The following HERC4 variants were observed in gnomAD, a reference collection of about 807,000 sequenced individuals.
The protein encoded by HERC4 is probable E3 ubiquitin-protein ligase HERC4.
In HERC4, 28 loss-of-function variants were observed where a neutral mutation model predicts 124.3. That is an observed-to-expected ratio of 0.23 (90% CI 0.17 to 0.31). The LOEUF is 0.31. Ranked by LOEUF, HERC4 falls within the 10% of genes least tolerant of loss-of-function variation. The probability of loss-of-function intolerance (pLI) is 1.00; values close to 1 mark genes in which losing one functional copy is unlikely to be tolerated. For synonymous variants in HERC4, 407 were observed against 421.5 expected, an observed-to-expected ratio of 0.97 and a Z score of 0.42; for missense variants, 713 against 1,229.3, an observed-to-expected ratio of 0.58 and a Z score of 6.28.
At chr10:68,010,705 A>T in intron 9 of HERC4, 1 of 1,482,152 alleles carries the variant, frequency 6.7e-7, no homozygotes, top group East Asian at 2.3e-5. Context: ...TCTTGAAGCT[A>T]AGCTGTTGAG....
At chr10:67,943,000 T>C (rs2033043554) in intron 19 of HERC4, among the ~76,000 whole-genome samples, 1 of 152,248 alleles carries the variant, frequency 6.6e-6, no homozygotes, top group African/African-American at 2.4e-5. Flanking sequence ...TCATGAAATA[T>C]CTCTCCAGGT....
In HERC4 at chr10:67,991,210, TAA is replaced by T; in HGVS notation, c.1272-13_1272-12del. On this transcript the variant is annotated splice_polypyrimidine_tract_variant and intron_variant, in intron 11 of 24. Transcript: ENST00000373700. ...GTTCCATCTATCTCACTAAAAAATT[TAA>T]AAAAGTTTTTTTAATCATAGAATCA... is the stretch of plus-strand genomic sequence containing the variant. 6.7e-7 allele frequency: 1 copy of T among 1,490,190 alleles called. No homozygotes were observed. The highest frequency in any genetic ancestry group is 1.4e-5 in the African/African-American group (1 of 70,884). 92.3% of individuals were successfully genotyped at this position (1,490,190 alleles called of 1,614,324 possible). A position where few individuals can be genotyped will look rare whatever the true frequency, so the allele number is the denominator to read the frequency against.
chr10:67,986,352 T>C (rs1363143950), intron 15 of HERC4, among the ~76,000 whole-genome samples: 1 of 152,158 alleles, frequency 6.6e-6, no homozygotes, highest in African/African-American at 2.4e-5. Flanking sequence ...CTTACATATA[T>C]TGTATTATTT....
At chr10:67,998,495 C>A (rs2037029604) in intron 9 of HERC4, among the ~76,000 whole-genome samples, 1 of 146,618 alleles carries the variant, frequency 6.8e-6, no homozygotes, top group African/African-American at 2.6e-5. Context: ...TGCAGTGAGC[C>A]GAGATCCTGC....
chr10:67,984,022 C>A (rs938612302), intron 15 of HERC4, among the ~76,000 whole-genome samples: 5 of 151,962 alleles, frequency 3.3e-5, no homozygotes, highest in African/African-American at 1.2e-4. Context: ...ACTATTCTGG[C>A]CAGGCTTGGT....
At chr10:67,995,982 G>T in intron 9 of HERC4, 3 of 289,904 alleles carry the variant, frequency 1.0e-5, no homozygotes, top group Admixed American at 4.9e-5. Flanking sequence ...ACATACTTTT[G>T]CCACTCTTTC....
intron 4 of HERC4, chr10:68,039,279 G>T: frequency 8.9e-7 from 1 of 1,123,484 alleles, no homozygotes; most frequent in Non-Finnish European, 1.2e-6. Flanking sequence ...TCACACCATC[G>T]CACTCCAGAA....
chr10:67,952,318 T>C (rs1429179506), intron 19 of HERC4, among the ~76,000 whole-genome samples: 1 of 152,104 alleles, frequency 6.6e-6, no homozygotes, highest in Non-Finnish European at 1.5e-5. Context: ...AGAGTCTCGT[T>C]TTGTCACCAG....
chr10:68,013,500 C>T (rs894175845), intron 9 of HERC4, among the ~76,000 whole-genome samples: 2 of 152,098 alleles, frequency 1.3e-5, no homozygotes, highest in Non-Finnish European at 2.9e-5. Context: ...CTATATGATT[C>T]CACTTCTTTG....
rs1000162132 is a variant in HERC4 at position 67,984,730 on chromosome 10, G to A, written c.1806+3933C>T. On this transcript the variant is annotated intron_variant, in intron 15 of 24. Transcript: ENST00000373700. ...TCTGAATAGTTGGTATTACAGACAC[G>A]TGCCACCACGCTCAATTAATTTTTG... 7.2e-5 allele frequency among the ~76,000 whole-genome samples: 11 copies of A among 152,000 alleles called. No individual in the cohort carries two copies. In the East Asian group the frequency reaches 9.7e-4, roughly 13 times the overall value.
chr10:68,070,216 G>T lies in HERC4; in HGVS notation c.226+2667C>A, dbSNP rs965802990. On this transcript the variant is annotated intron_variant, in intron 3 of 24. Coordinates refer to ENST00000373700, the MANE Select transcript of HERC4 (RefSeq NM_015601.4). ...GTCCTCAAATTCACAAATTTAAAAA[G>T]GGGTTGGGGAAATGACACAAATCAT... The T allele has an allele frequency of 2.6e-5, 26 of 983,856 alleles. No homozygotes were observed. In the South Asian group the frequency reaches 1.2e-3, roughly 46 times the overall value. 60.9% of individuals were successfully genotyped at this position (983,856 alleles called of 1,614,324 possible). A position where few individuals can be genotyped will look rare whatever the true frequency, so the allele number is the denominator to read the frequency against.
intron 19 of HERC4, among the ~76,000 whole-genome samples, chr10:67,949,203 GA>G (rs2033615211): frequency 6.6e-6 from 1 of 152,062 alleles, no homozygotes; most frequent in Non-Finnish European, 1.5e-5. Context: ...AGAATCGCTT[GA>G]ACCCAGGAGG....
intron 3 of HERC4, chr10:68,068,648 AG>A (rs2041419241): frequency 6.6e-6 from 1 of 152,144 alleles, no homozygotes; most frequent in Non-Finnish European, 1.5e-5. Flanking sequence ...CAACAGAATA[AG>A]ACCCCATCTC....
intron 9 of HERC4, among the ~76,000 whole-genome samples, chr10:67,997,329 G>A (rs1257143059): frequency 1.3e-5 from 2 of 152,100 alleles, no homozygotes; most frequent in African/African-American, 4.8e-5. Context: ...GCTTTATGTT[G>A]TCTTTATTGT....
chr10:67,989,236 T>C (rs1004952420), intron 14 of HERC4, among the ~76,000 whole-genome samples: 1 of 152,122 alleles, frequency 6.6e-6, no homozygotes, highest in Non-Finnish European at 1.5e-5. Context: ...TTCTAACTTT[T>C]ATCTTTCAAT....
intron 15 of HERC4, chr10:67,988,004 A>G (rs1283921900): frequency 6.6e-6 from 1 of 152,106 alleles, no homozygotes; most frequent in Non-Finnish European, 1.5e-5. Flanking sequence ...CTAAATAGCA[A>G]CTTGAGAAAA....
intron 15 of HERC4, among the ~76,000 whole-genome samples, chr10:67,975,182 T>C (rs2035510153): frequency 6.6e-6 from 1 of 151,280 alleles, no homozygotes; most frequent in Non-Finnish European, 1.5e-5. Context: ...AGAGCCAAAC[T>C]CTGTCTTTAA....
intron 7 of HERC4, among the ~76,000 whole-genome samples, chr10:68,026,481 T>C (rs2038907661): frequency 1.3e-5 from 2 of 152,034 alleles, no homozygotes; most frequent in South Asian, 2.1e-4. Flanking sequence ...CTGAAGCAGG[T>C]GGATCACTTG....
At chr10:67,940,840 G>A in intron 20 of HERC4, 99 bp downstream of exon 20, 3 of 1,043,152 alleles carry the variant, frequency 2.9e-6, no homozygotes, top group Admixed American at 5.4e-5. Context: ...TTAACAAGAA[G>A]AACAAAATAT....
Sources: gnomAD v4.1 joint callset for allele counts (sites outside exome capture counted in the v4.1 genomes callset) on GRCh38, gnomAD v4.1.1 for gene constraint, MANE v1.5 for transcripts, NCBI Gene and HGNC (gene_info 2026-07-23, HGNC 2026-07-21) for gene names.